NRXN1: variants seen among roughly 807,000 people sequenced by gnomAD.
NRXN1 encodes neurexin-1.
A neutral mutation model predicts 150.9 loss-of-function variants in NRXN1; 39 were observed. The ratio of observed to expected loss-of-function variants is 0.26; its 90% CI spans 0.20 to 0.34. The LOEUF is 0.34. Ranked by LOEUF, NRXN1 falls within the 10% of genes least tolerant of loss-of-function variation. NRXN1 has a pLI of 1.00. For synonymous variants in NRXN1, 924 were observed against 757.0 expected (o/e 1.22, Z -3.62); for missense variants, 1,815 against 1,949.9 (o/e 0.93, Z 1.30).
intron 18 of NRXN1, among the ~76,000 whole-genome samples, chr2:50,143,910 G>A (rs1037060871): frequency 1.3e-5 from 2 of 151,722 alleles, no homozygotes; most frequent in South Asian, 2.1e-4. Context: ...AACGTTACCC[G>A]TATAGAATAC....
intron 17 of NRXN1, among the ~76,000 whole-genome samples, chr2:50,275,524 G>A (rs940072851): frequency 1.3e-5 from 2 of 151,720 alleles, no homozygotes; most frequent in African/African-American, 4.8e-5. Flanking sequence ...CTATTCATGG[G>A]TAGTTGTCTT....
At chr2:50,923,364 A>G (rs1480694901) in intron 3 of NRXN1, 5 of 277,734 alleles carry the variant, frequency 1.8e-5, no homozygotes, top group Middle Eastern at 9.7e-4. Context: ...AGAGAACAAA[A>G]TTATTTGAGA....
intron 18 of NRXN1, among the ~76,000 whole-genome samples, chr2:50,093,315 G>A (rs913660954): frequency 1.3e-5 from 2 of 152,030 alleles, no homozygotes; most frequent in Admixed American, 1.3e-4. Context: ...TAAAGTCTCT[G>A]CAGCTATTAA....
intron 5 of NRXN1, among the ~76,000 whole-genome samples, chr2:50,799,513 C>T (rs1444186352): frequency 2.0e-5 from 3 of 152,102 alleles, no homozygotes; most frequent in African/African-American, 7.2e-5. Context: ...TACAGTTGTT[C>T]AGCTTAGGAT....
At chr2:50,047,961 A>G (rs933790231) in intron 21 of NRXN1, among the ~76,000 whole-genome samples, 1 of 152,170 alleles carries the variant, frequency 6.6e-6, no homozygotes, top group South Asian at 2.1e-4. Flanking sequence ...GTGAGAAGAC[A>G]TCTCAAAACC....
chr2:50,196,169 A>T (rs1405701146), intron 18 of NRXN1, among the ~76,000 whole-genome samples: 1 of 150,762 alleles, frequency 6.6e-6, no homozygotes, highest in Non-Finnish European at 1.5e-5. Flanking sequence ...TCCACTCCCT[A>T]TGTCCATCTG....
chr2:50,491,410 T>C (rs1024501017), intron 15 of NRXN1, among the ~76,000 whole-genome samples: 4 of 152,170 alleles, frequency 2.6e-5, no homozygotes, highest in African/African-American at 9.7e-5. Flanking sequence ...AAAGTCCCTG[T>C]TGAGTTGTTT....
intron 18 of NRXN1, among the ~76,000 whole-genome samples, chr2:50,097,867 G>C (rs895669280): frequency 6.6e-6 from 1 of 152,020 alleles, no homozygotes; most frequent in Non-Finnish European, 1.5e-5. Context: ...TCGAAATCCT[G>C]ACCTCAGGTG....
intron 2 of NRXN1, among the ~76,000 whole-genome samples, chr2:50,935,648 A>C (rs894746201): frequency 2.6e-5 from 4 of 152,086 alleles, no homozygotes; most frequent in Non-Finnish European, 4.4e-5. Flanking sequence ...AATCACTTGA[A>C]TCTGGGAGGC....
intron 8 of NRXN1, among the ~76,000 whole-genome samples, chr2:50,575,914 CTAA>C (rs1188940863): frequency 2.0e-5 from 3 of 152,152 alleles, no homozygotes; most frequent in Admixed American, 6.6e-5. Context: ...CAAATTGCAT[CTAA>C]TAATGTTACA....
At chr2:50,705,171 A>G (rs989730685) in intron 5 of NRXN1, among the ~76,000 whole-genome samples, 3 of 152,044 alleles carry the variant, frequency 2.0e-5, no homozygotes, top group Admixed American at 6.6e-5. Flanking sequence ...TGACATTTTG[A>G]CAAATGTGTC....
chr2:50,338,931 A>T (rs184567119), intron 17 of NRXN1, among the ~76,000 whole-genome samples: 114 of 152,332 alleles, frequency 7.5e-4, no homozygotes, highest in African/African-American at 2.6e-3. Flanking sequence ...AGAATCTAAA[A>T]TTATCTGTTT....
At chr2:50,368,501 A>G (rs1253377530) in intron 17 of NRXN1, among the ~76,000 whole-genome samples, 1 of 152,012 alleles carries the variant, frequency 6.6e-6, no homozygotes, top group Non-Finnish European at 1.5e-5. Context: ...TCTAGTATCC[A>G]GATCATGAGA....
At position 50,477,971 on chromosome 2, in the gene NRXN1, T is replaced by G. The variant is rs150483958; in HGVS notation, c.3071-5500A>C. ...AGTGCAATCAAGCTTGGGTAGTTTC[T>G]GAGCACATTCTATGGGAAGGGTGCC... On this transcript the variant is annotated intron_variant, in intron 15 of 22. Coordinates refer to ENST00000401669, the MANE Select transcript of NRXN1 (RefSeq NM_001330078.2). 3.2e-3 allele frequency among the ~76,000 whole-genome samples: 485 copies of G among 152,298 alleles called. 4 individuals are homozygous for G. Among genetic ancestry groups the G allele is most frequent in the African/African-American group, 0.011 (467 of 41,552 alleles).
At chr2:49,971,634 C>A (rs1394609954) in intron 21 of NRXN1, among the ~76,000 whole-genome samples, 2 of 152,068 alleles carry the variant, frequency 1.3e-5, no homozygotes, top group African/African-American at 2.4e-5. Flanking sequence ...AAATATCTGT[C>A]CAAAGATCGG....
chr2:49,965,479 G>A (rs948004583), intron 21 of NRXN1, among the ~76,000 whole-genome samples: 2 of 151,870 alleles, frequency 1.3e-5, no homozygotes, highest in African/African-American at 2.4e-5. Context: ...TGTTGGCCAG[G>A]CTGGTCTCGA....
intron 18 of NRXN1, among the ~76,000 whole-genome samples, chr2:50,192,009 C>T (rs1316428837): frequency 6.6e-6 from 1 of 151,976 alleles, no homozygotes; most frequent in Non-Finnish European, 1.5e-5. Context: ...AGAGGGCATA[C>T]TTTCATAAAG....
At position 51,027,552 on chromosome 2, in the gene NRXN1, G is replaced by T; in HGVS notation, c.722C>A (p.Ala241Asp). 6.3e-7 allele frequency: 1 copy of T among 1,592,586 alleles called. No homozygotes were observed. Among genetic ancestry groups the T allele is most frequent in the Non-Finnish European group, 8.6e-7 (1 of 1,165,712 alleles). Residue 241 changes from alanine (A) to aspartate (D), a missense_variant, in exon 2 of 23, where the codon GCC (alanine) becomes GAC (aspartate). Around this residue, in one of 6 missense-constraint regions of NRXN1, gnomAD observed 554 missense variants for 478.8 expected, o/e 1.16. Transcript: ENST00000401669. ...GGVCSVVDDQAVCDCSRTGFR... is the reference protein window; with the variant it reads ...GGVCSVVDDQDVCDCSRTGFR... ...GCCGGTTCGCGAGCAGTCGCACACG[G>T]CCTGGTCGTCCACCACGGAGCACAC...
At chr2:50,245,249 A>C (rs907316726) in intron 17 of NRXN1, among the ~76,000 whole-genome samples, 1 of 151,964 alleles carries the variant, frequency 6.6e-6, no homozygotes, top group Non-Finnish European at 1.5e-5. Flanking sequence ...GGTCCAGGTT[A>C]CCTGGCTGAG....
Sources: gnomAD v4.1 joint callset for allele counts (sites outside exome capture counted in the v4.1 genomes callset) on GRCh38, gnomAD v4.1.1 for gene constraint, gnomAD v4.1.1 regional missense constraint, MANE v1.5 for transcripts, NCBI Gene and HGNC (gene_info 2026-07-23, HGNC 2026-07-21) for gene names.